The following FRYL variants were observed in gnomAD, a reference collection of about 807,000 sequenced individuals.
FRYL encodes the protein protein furry homolog-like.
In FRYL, 150 loss-of-function variants were observed where a neutral mutation model predicts 351.2. The ratio of observed to expected loss-of-function variants is 0.43; its 90% confidence interval spans 0.37 to 0.49. The LOEUF (loss-of-function observed/expected upper bound fraction) is 0.49. Among genes scored for constraint, FRYL ranks in the 20% least tolerant of loss-of-function variants. The pLI is 0.00. For missense variants in FRYL, 3,036 were observed against 3,619.3 expected, an observed-to-expected ratio of 0.84 and a Z score of 4.13; for synonymous variants, 1,153 against 1,257.1, an observed-to-expected ratio of 0.92 and a Z score of 1.75.
intron 47 of FRYL, among the ~76,000 whole-genome samples, chr4:48,538,421 A>G (rs576259545): frequency 6.6e-6 from 1 of 152,304 alleles, no homozygotes; most frequent in East Asian, 1.9e-4. Flanking sequence ...CATTTATTAA[A>G]TGTTATTTAT....
chr4:48,540,347 C>T lies in FRYL; in HGVS notation c.6295+6G>A. 1 of 1,608,936 alleles carries T rather than the reference C, an allele frequency of 6.2e-7. No homozygotes were observed. Among genetic ancestry groups the T allele is most frequent in the Non-Finnish European group, 8.5e-7 (1 of 1,176,634 alleles). On this transcript the variant is annotated splice_donor_region_variant and intron_variant, in intron 46 of 63. Coordinates refer to ENST00000358350, the MANE Select transcript of FRYL (RefSeq NM_015030.2). ...CAAAGTGCTGGTGCAATTATATTAA[C>T]ATCACCTGACAATTGGGAAGGATCC... is the stretch of plus-strand genomic sequence containing the variant.
intron 1 of FRYL, among the ~76,000 whole-genome samples, chr4:48,760,461 C>T (rs1388434547): frequency 6.6e-6 from 1 of 152,152 alleles, no homozygotes; most frequent in Non-Finnish European, 1.5e-5. Context: ...GTTGTCTATA[C>T]ACATTATTAT....
At chr4:48,709,610 C>T (rs1455618062) in intron 2 of FRYL, among the ~76,000 whole-genome samples, 1 of 152,116 alleles carries the variant, frequency 6.6e-6, no homozygotes, top group Non-Finnish European at 1.5e-5. Context: ...AACCAAAAAT[C>T]TATCAATTTG....
chr4:48,745,743 AAAT>A (rs957981826), intron 1 of FRYL, among the ~76,000 whole-genome samples: 6 of 152,162 alleles, frequency 3.9e-5, no homozygotes, highest in Admixed American at 2.0e-4. Flanking sequence ...CCTAGAACTT[AAAT>A]AATAATAATA....
At chr4:48,601,696 G>A (rs1386574676) in intron 13 of FRYL, among the ~76,000 whole-genome samples, 1 of 152,036 alleles carries the variant, frequency 6.6e-6, no homozygotes, top group Non-Finnish European at 1.5e-5. Context: ...TAAGTATCTA[G>A]AAGGTTTTGT....
At chr4:48,506,615 AATATAT>A (rs55736457) in intron 59 of FRYL, 784 of 70,672 alleles carry the variant, frequency 0.011, 9 homozygotes, top group African/African-American at 0.015. Flanking sequence ...CAATACAACT[AATATAT>A]ATATATATAT....
chr4:48,648,133 C>A (rs1424314900), intron 3 of FRYL, among the ~76,000 whole-genome samples: 3 of 152,118 alleles, frequency 2.0e-5, no homozygotes, highest in Non-Finnish European at 4.4e-5. Flanking sequence ...AATAACATTT[C>A]TTCCATTTGT....
At position 48,535,670 on chromosome 4, in the gene FRYL, G is replaced by A; in HGVS notation, c.6551C>T (p.Thr2184Ile). The A allele has an allele frequency of 2.5e-6, 4 of 1,580,112 alleles. No homozygotes were observed. The highest frequency in any genetic ancestry group is 3.4e-6 in the Non-Finnish European group (4 of 1,163,928). ...SFSDTTFNLVTYLAELLEKGL... is the reference protein window; with the variant it reads ...SFSDTTFNLVIYLAELLEKGL... Reference sequence around the variant, plus strand: ...TGGTAAATTTACCTCTGCAAGATAAGTCACAAGATTAAATGTTGTATCTGA... The same window carrying A: ...TGGTAAATTTACCTCTGCAAGATAAATCACAAGATTAAATGTTGTATCTGA... The change falls in exon 48 of 64, where the codon ACT (threonine) becomes ATT (isoleucine). Residue 2184 changes from threonine (T) to isoleucine (I), a missense_variant. Thr to Ile is a moderately conservative substitution (Grantham distance 89). Coordinates refer to ENST00000358350, the MANE Select transcript of FRYL (RefSeq NM_015030.2).
chr4:48,595,652 T>C lies in FRYL; in HGVS notation c.1186A>G (p.Ser396Gly). 6.2e-7 allele frequency: 1 copy of C among 1,613,542 alleles called. No individual in the cohort carries two copies. The highest frequency in any genetic ancestry group is 8.5e-7 in the Non-Finnish European group (1 of 1,179,634). The change falls in exon 15 of 64, where the codon AGT (serine) becomes GGT (glycine). Residue 396 changes from serine (S) to glycine (G), a missense_variant. By Grantham distance (56) the Ser-to-Gly change is moderately conservative. Coordinates refer to ENST00000358350, the MANE Select transcript of FRYL (RefSeq NM_015030.2). ...VSALFPKGSR[S>G]VVPRDTPLNI... ...AGAGGTGTGTCACGAGGAACCACAC[T>C]TCGTGAGCCTTTTGGAAAAAGTGCT... is the stretch of plus-strand genomic sequence containing the variant.
chr4:48,531,091 G>C, intron 50 of FRYL, 65 bp downstream of exon 50: 1 of 1,061,716 alleles, frequency 9.4e-7, no homozygotes. Context: ...TTAAATCAAA[G>C]AATGAATAAA....
chr4:48,751,269 A>G (rs555679022), intron 1 of FRYL, among the ~76,000 whole-genome samples: 5 of 152,306 alleles, frequency 3.3e-5, no homozygotes, highest in African/African-American at 1.2e-4. Context: ...AAAAATCTAG[A>G]CAATTTCTAT....
rs1423560036 is a variant in FRYL at position 48,512,649 on chromosome 4, C to T, written c.7977G>A (p.Gln2659=). 3 of 1,613,838 alleles carry T rather than the reference C, an allele frequency of 1.9e-6. No homozygotes were observed. The highest frequency in any genetic ancestry group is 1.7e-6 in the Non-Finnish European group (2 of 1,179,910). Reference sequence around the variant, plus strand: ...GAAATGGTGACGGCAGAGGCGACGTCTGTACTTCTGGAAAACCATCTTGCT... The same window carrying T: ...GAAATGGTGACGGCAGAGGCGACGTTTGTACTTCTGGAAAACCATCTTGCT... ...EEEQDGFPEV[Q]TSPLPSPFLS... Residue 2659 remains glutamine, a synonymous_variant, in exon 57 of 64, where the codon CAG becomes CAA. Coordinates refer to ENST00000358350, the MANE Select transcript of FRYL (RefSeq NM_015030.2).
At chr4:48,651,339 G>GTA (rs1553963327) in intron 3 of FRYL, among the ~76,000 whole-genome samples, 34 of 110,260 alleles carry the variant, frequency 3.1e-4, no homozygotes, top group African/African-American at 1.0e-3. Flanking sequence ...GTGTGTGTGT[G>GTA]TAGTGGTAGA....
rs565488569 is a variant in FRYL at position 48,740,661 on chromosome 4, A to G, written c.-383-29963T>C. Among the ~76,000 whole-genome samples the G allele has an allele frequency of 8.5e-5, 13 of 152,280 alleles. No individual in the cohort carries two copies. The East Asian group carries it at 2.5e-3, about 29-fold the overall frequency. Reference sequence around the variant, plus strand: ...TATACAGATGGCAAACACACATGCAAAGAGATGCTCCATATCAGACACTAT... The same window carrying G: ...TATACAGATGGCAAACACACATGCAGAGAGATGCTCCATATCAGACACTAT... On this transcript the variant is annotated intron_variant, in intron 1 of 63. Transcript: ENST00000358350.
At chr4:48,552,159 C>A (rs543198782) in intron 36 of FRYL, among the ~76,000 whole-genome samples, 1 of 152,152 alleles carries the variant, frequency 6.6e-6, no homozygotes, top group East Asian at 1.9e-4. Flanking sequence ...CTGCACCCCC[C>A]CCAACATCCT....
At chr4:48,606,877 T>C (rs1578321729) in intron 9 of FRYL, among the ~76,000 whole-genome samples, 1 of 152,192 alleles carries the variant, frequency 6.6e-6, no homozygotes, top group Non-Finnish European at 1.5e-5. Context: ...ACCATTACCA[T>C]TTAATTAATA....
chr4:48,507,998 A>ATAAC (rs57326196), intron 59 of FRYL, among the ~76,000 whole-genome samples: 82 of 152,342 alleles, frequency 5.4e-4, no homozygotes, highest in African/African-American at 1.9e-3. Context: ...AAAAGAATGT[A>ATAAC]TAACTCAAAA....
chr4:48,573,432 A>T (rs1385836958), intron 25 of FRYL, among the ~76,000 whole-genome samples, 189 bp from the exon 26 acceptor site: 1 of 152,224 alleles, frequency 6.6e-6, no homozygotes, highest in Non-Finnish European at 1.5e-5. Context: ...AAACCAGAAA[A>T]AAAATGGTAT....
chr4:48,525,008 T>C (rs1725703627), intron 53 of FRYL, among the ~76,000 whole-genome samples: 1 of 149,560 alleles, frequency 6.7e-6, no homozygotes. Flanking sequence ...TCCTACAATA[T>C]ATTTTTTCAA....
Sources: gnomAD v4.1 joint callset for allele counts (sites outside exome capture counted in the v4.1 genomes callset) on GRCh38, gnomAD v4.1.1 for gene constraint, MANE v1.5 for transcripts, NCBI Gene and HGNC (gene_info 2026-07-23, HGNC 2026-07-21) for gene names.